Variants in AVEN observed in about 807,000 individuals in gnomAD.
AVEN encodes apoptosis and caspase activation inhibitor.
A neutral mutation model predicts 38.1 loss-of-function variants in AVEN; 41 were observed. That is an observed-to-expected ratio of 1.08 (90% CI 0.84 to 1.40). The LOEUF (loss-of-function observed/expected upper bound fraction) is 1.40. Ranked by LOEUF, AVEN falls within the 40% of genes most tolerant of loss-of-function variation. The probability of loss-of-function intolerance (pLI) is 0.00; values close to 1 mark genes in which losing one functional copy is unlikely to be tolerated. For synonymous variants in AVEN, 206 were observed against 171.8 expected, an observed-to-expected ratio of 1.20 and a Z score of -1.56; for missense variants, 605 against 438.8, an observed-to-expected ratio of 1.38 and a Z score of -3.38.
Position 33,859,390 on chromosome 15 carries a change from A to G in AVEN, n.2730-296T>C, listed in dbSNP as rs146781237. Among the ~76,000 whole-genome samples the G allele has an allele frequency of 1.8e-3, 270 of 152,332 alleles. 2 individuals are homozygous for G. The highest frequency in any genetic ancestry group is 6.2e-3 in the African/African-American group (256 of 41,578). On this transcript the variant is annotated intron_variant and non_coding_transcript_variant, in intron 11 of 11. Transcript: ENST00000675287. ...AACGACAGTCTTTCCATCTTTGTAGATATCAAACTGTCCAGAGGGTGCAGT... is the reference window on the plus strand; with the variant it reads ...AACGACAGTCTTTCCATCTTTGTAGGTATCAAACTGTCCAGAGGGTGCAGT...
chr15:34,062,852 T>C, intron 5 of AVEN: 1 of 1,614,212 alleles, frequency 6.2e-7, no homozygotes, highest in Non-Finnish European at 8.5e-7. Context: ...TGATCACCAT[T>C]GTGGGCAATG....
rs149586602 is a variant in AVEN, at chr15:33,898,067, T to C, written c.446-22072A>G. ...AGCTGGGCGTGGTGGTGGGCACCTG[T>C]AGTCCCAGCTACTCTGGAGGCTGAG... On this transcript the variant is annotated intron_variant, in intron 2 of 5. Coordinates refer to ENST00000306730, the MANE Select transcript of AVEN (RefSeq NM_020371.3). Among the ~76,000 whole-genome samples the C allele has an allele frequency of 1.0e-3, 153 of 151,916 alleles. 5 individuals are homozygous for C. In the East Asian group the frequency reaches 0.023, roughly 23 times the overall value.
intron 2 of AVEN, among the ~76,000 whole-genome samples, chr15:33,920,879 G>A (rs191731180): frequency 5.3e-4 from 81 of 152,120 alleles, no homozygotes; most frequent in Admixed American, 1.8e-3. Context: ...GTTTTCAAGC[G>A]ATACTCCTGC....
intron 2 of AVEN, among the ~76,000 whole-genome samples, chr15:33,984,993 T>C (rs1896360234): frequency 6.6e-6 from 1 of 152,124 alleles, no homozygotes; most frequent in South Asian, 2.1e-4. Context: ...AAAAGCCTCC[T>C]TGACCTTGAC....
upstream of AVEN, among the ~76,000 whole-genome samples, chr15:34,040,316 T>G (rs1462183794): frequency 6.6e-6 from 1 of 152,162 alleles, no homozygotes; most frequent in Non-Finnish European, 1.5e-5. Context: ...AGTTAAATTA[T>G]ATTTAAACGG....
At chr15:33,986,092 A>AT (rs373045011) in intron 2 of AVEN, among the ~76,000 whole-genome samples, 3 of 150,952 alleles carry the variant, frequency 2.0e-5, no homozygotes, top group African/African-American at 7.3e-5. Flanking sequence ...TTCACTGTAA[A>AT]TTTTTTTTTT....
At chr15:33,877,071 C>T (rs938857429) in intron 2 of AVEN, among the ~76,000 whole-genome samples, 1 of 152,134 alleles carries the variant, frequency 6.6e-6, no homozygotes, top group African/African-American at 2.4e-5. Flanking sequence ...AAGTCAAATA[C>T]TTTCATTACT....
At chr15:33,982,965 T>C (rs1048668319) in intron 2 of AVEN, among the ~76,000 whole-genome samples, 21 of 151,818 alleles carry the variant, frequency 1.4e-4, no homozygotes, top group Admixed American at 1.1e-3. Flanking sequence ...CAACTCCTGT[T>C]GGGATAATTT....
At chr15:33,882,578 A>AAG (rs1204004037) in intron 2 of AVEN, among the ~76,000 whole-genome samples, 2 of 149,934 alleles carry the variant, frequency 1.3e-5, no homozygotes, top group Non-Finnish European at 1.5e-5. Context: ...AAAAAATAGA[A>AAG]ATAAGGCTGG....
intron 2 of AVEN, among the ~76,000 whole-genome samples, chr15:33,904,566 C>G (rs1892608395): frequency 6.6e-6 from 1 of 151,832 alleles, no homozygotes; most frequent in Admixed American, 6.6e-5. Flanking sequence ...TGCCCGCCAC[C>G]ACGCCTGGCT....
chr15:34,017,811 C>T (rs565948257), intron 1 of AVEN, among the ~76,000 whole-genome samples: 1 of 152,112 alleles, frequency 6.6e-6, no homozygotes, highest in African/African-American at 2.4e-5. Flanking sequence ...TTATTAAAAA[C>T]TCCATTGTCT....
At chr15:34,046,805 T>A (rs1368946828) in intron 5 of AVEN, 2 of 152,214 alleles carry the variant, frequency 1.3e-5, no homozygotes, top group African/African-American at 4.8e-5. Flanking sequence ...AAAAGCAGGG[T>A]GGGGTGACGG....
chr15:33,855,805 G>T (rs529707825), downstream of AVEN: 2 of 152,282 alleles, frequency 1.3e-5, no homozygotes, highest in Non-Finnish European at 2.9e-5. Context: ...ATATATGGAA[G>T]ACTGGATATT....
downstream of AVEN, chr15:33,854,311 A>G: frequency 1.7e-6 from 2 of 1,200,322 alleles, no homozygotes; most frequent in South Asian, 1.4e-5. Flanking sequence ...GAGAGAAAAA[A>G]CTTACTTTTT....
At chr15:33,948,920 A>C (rs1363785024) in intron 2 of AVEN, among the ~76,000 whole-genome samples, 17 of 151,666 alleles carry the variant, frequency 1.1e-4, no homozygotes, top group Non-Finnish European at 1.5e-5. Context: ...GGATCCGCCC[A>C]CCTTGGCCTC....
chr15:33,947,161 A>C (rs1276854102), intron 2 of AVEN, among the ~76,000 whole-genome samples: 2 of 151,884 alleles, frequency 1.3e-5, no homozygotes, highest in African/African-American at 2.4e-5. Context: ...CAAGCGCAAG[A>C]CTCCAGCCTC....
Position 33,867,765 on chromosome 15 carries a change from GC to G in AVEN, c.702del (p.Pro235LeufsTer10). The G allele has an allele frequency of 6.2e-7, 1 of 1,614,080 alleles. No homozygotes were observed. Among genetic ancestry groups the G allele is most frequent in the African/African-American group, 1.3e-5 (1 of 75,020 alleles). ...TCAAAGATGGGCCCCCTTCCTCCAG[GC>G]CCCAAGGGCCCCTTTAACTGCATCC... is the stretch of plus-strand genomic sequence containing the variant. ...GLGMQLKGPL[G>X]PGGRGPIFEL... On this transcript the variant is annotated frameshift_variant, in exon 5 of 6. Coordinates refer to ENST00000306730, the MANE Select transcript of AVEN (RefSeq NM_020371.3). LOFTEE classifies it high-confidence loss of function.
intron 2 of AVEN, among the ~76,000 whole-genome samples, chr15:33,983,179 C>T (rs11637882): frequency 9.0e-6 from 1 of 110,604 alleles, no homozygotes; most frequent in South Asian, 3.6e-4. Flanking sequence ...TGTATATATA[C>T]ACACGTGTGT....
At chr15:33,857,830 G>C, downstream of AVEN, 7 of 1,614,178 alleles carry the variant, frequency 4.3e-6, no homozygotes, top group Non-Finnish European at 5.9e-6. Context: ...TCTATACTGT[G>C]GTGGCTTTCA....
Sources: gnomAD v4.1 joint callset for allele counts (sites outside exome capture counted in the v4.1 genomes callset) on GRCh38, gnomAD v4.1.1 for gene constraint, MANE v1.5 for transcripts, NCBI Gene and HGNC (gene_info 2026-07-23, HGNC 2026-07-21) for gene names.